Variants in SLC39A11 observed in about 807,000 individuals in gnomAD.
The protein encoded by SLC39A11 is zinc transporter ZIP11.
SLC39A11 carries 33 observed loss-of-function variants against 36.1 expected under a neutral mutation model. That is an observed-to-expected ratio of 0.91 (90% CI 0.69 to 1.22). The LOEUF (loss-of-function observed/expected upper bound fraction) is 1.22, where lower values mean the gene tolerates loss of function less well. Ranked by LOEUF, SLC39A11 falls within the 50% of genes most tolerant of loss-of-function variation. The probability of loss-of-function intolerance (pLI) is 0.00; values close to 1 mark genes in which losing one functional copy is unlikely to be tolerated. For synonymous variants in SLC39A11, 166 were observed against 170.3 expected (o/e 0.97, Z 0.20); for missense variants, 432 against 430.3 (o/e 1.00, Z -0.03).
chr17:72,826,706 T>G (rs1392766438), intron 6 of SLC39A11, among the ~76,000 whole-genome samples: 1 of 152,190 alleles, frequency 6.6e-6, no homozygotes, highest in Non-Finnish European at 1.5e-5. Flanking sequence ...ACTACTATTG[T>G]GGACACTTAA....
intron 6 of SLC39A11, among the ~76,000 whole-genome samples, chr17:72,762,366 C>A (rs1435891730): frequency 6.6e-6 from 1 of 152,186 alleles, no homozygotes; most frequent in South Asian, 2.1e-4. Context: ...TGCTAAGAGA[C>A]ACTCCCAATA....
chr17:73,005,201 C>T (rs1471157866), intron 4 of SLC39A11, among the ~76,000 whole-genome samples: 2 of 152,116 alleles, frequency 1.3e-5, no homozygotes, highest in African/African-American at 2.4e-5. Flanking sequence ...TAGTCTCGAA[C>T]TCCTGACCTC....
At chr17:72,946,222 G>A (rs923515322) in intron 5 of SLC39A11, among the ~76,000 whole-genome samples, 1 of 152,238 alleles carries the variant, frequency 6.6e-6, no homozygotes, top group African/African-American at 2.4e-5. Context: ...TAAGTGACAA[G>A]TGTGATTGGA....
At chr17:72,840,312 T>C (rs191690443) in intron 6 of SLC39A11, among the ~76,000 whole-genome samples, 1 of 152,294 alleles carries the variant, frequency 6.6e-6, no homozygotes, top group East Asian at 1.9e-4. Flanking sequence ...CTTGATACTA[T>C]TGAGAGGAAA....
chr17:73,034,754 T>C (rs2058849341), intron 3 of SLC39A11, among the ~76,000 whole-genome samples: 1 of 152,250 alleles, frequency 6.6e-6, no homozygotes, highest in Admixed American at 6.5e-5. Flanking sequence ...CAAACTCTTC[T>C]GTCCACATTT....
chr17:72,914,867 C>CATAAATAAATAAATAAATGAATAAATAA (rs2083242880), intron 5 of SLC39A11, among the ~76,000 whole-genome samples: 1 of 149,330 alleles, frequency 6.7e-6, no homozygotes, highest in Non-Finnish European at 1.5e-5. Flanking sequence ...GACTCTGTCT[C>CATAAATAAATAAATAAATGAATAAATAA]ATAAATAAAT....
chr17:72,756,272 T>C (rs1443918903), intron 6 of SLC39A11, among the ~76,000 whole-genome samples: 1 of 152,248 alleles, frequency 6.6e-6, no homozygotes, highest in African/African-American at 2.4e-5. Context: ...GTGGCAATTC[T>C]ACTTCTGGAT....
rs1291896405 is a variant in SLC39A11, at chr17:72,887,182, C to T, written c.431-37378G>A. Among the ~76,000 whole-genome samples the T allele has an allele frequency of 2.0e-5, 3 of 152,198 alleles. No homozygotes were observed. The East Asian group carries it at 5.8e-4, about 29-fold the overall frequency. On this transcript the variant is annotated intron_variant, in intron 5 of 9. Coordinates refer to ENST00000255559, the MANE Select transcript of SLC39A11 (RefSeq NM_139177.4). Reference sequence around the variant, plus strand: ...CCAGAGTTCAGGATAGCACGAATCACACACCCATCAGATGAGTGAGTGAAT... The same window carrying T: ...CCAGAGTTCAGGATAGCACGAATCATACACCCATCAGATGAGTGAGTGAAT...
chr17:72,672,654 C>A (rs1468358856), intron 7 of SLC39A11, among the ~76,000 whole-genome samples: 1 of 152,140 alleles, frequency 6.6e-6, no homozygotes, highest in African/African-American at 2.4e-5. Context: ...CGCTGGAGTA[C>A]AATGACACTA....
At chr17:72,709,737 T>C (rs1223604138) in intron 7 of SLC39A11, among the ~76,000 whole-genome samples, 4 of 152,222 alleles carry the variant, frequency 2.6e-5, no homozygotes, top group Admixed American at 2.6e-4. Context: ...ATCCTTTCAG[T>C]GAATGTCCCT....
chr17:72,770,154 C>G (rs751789238), intron 6 of SLC39A11, among the ~76,000 whole-genome samples: 9 of 152,234 alleles, frequency 5.9e-5, no homozygotes, highest in Non-Finnish European at 1.3e-4. Context: ...TAACTGAGAT[C>G]TGTCTCAGAT....
At chr17:72,990,190 C>G (rs2089064606) in intron 4 of SLC39A11, among the ~76,000 whole-genome samples, 1 of 152,172 alleles carries the variant, frequency 6.6e-6, no homozygotes, top group South Asian at 2.1e-4. Context: ...GACATTCAAA[C>G]CGATGCAGAG....
intron 4 of SLC39A11, among the ~76,000 whole-genome samples, chr17:72,999,069 A>T (rs1345019461): frequency 6.6e-6 from 1 of 152,248 alleles, no homozygotes; most frequent in African/African-American, 2.4e-5. Flanking sequence ...AGAGGGCAAC[A>T]GGTCTGATGT....
rs1189562244 is a variant in SLC39A11, at chr17:72,835,816, G to C, written c.601+13818C>G. ...ATGAACTGCCAAGTAGCTATTATCT[G>C]CATTTTACAGCTGGGAAAGCTAAGA... On this transcript the variant is annotated intron_variant, in intron 6 of 9. Coordinates refer to ENST00000255559, the MANE Select transcript of SLC39A11 (RefSeq NM_139177.4). Among the ~76,000 whole-genome samples the C allele has an allele frequency of 2.6e-5, 4 of 152,282 alleles. No individual in the cohort carries two copies. The South Asian group carries it at 6.2e-4, about 24-fold the overall frequency.
rs759424559 is a variant in SLC39A11 at position 72,736,764 on chromosome 17, C to T, written c.602-45G>A. The T allele has an allele frequency of 4.1e-6, 6 of 1,454,856 alleles. No homozygotes were observed. In the East Asian group the frequency reaches 1.4e-4, roughly 33 times the overall value. 90.1% of individuals were successfully genotyped at this position (1,454,856 alleles called of 1,614,324 possible). A position where few individuals can be genotyped will look rare whatever the true frequency, so the allele number is the denominator to read the frequency against. ...AGCAAGAGGGGTTAGGAATATTTCCCCATAAGGAACATCACCATCACTGTC... is the reference window on the plus strand; with the variant it reads ...AGCAAGAGGGGTTAGGAATATTTCCTCATAAGGAACATCACCATCACTGTC... On this transcript the variant is annotated intron_variant, in intron 6 of 9. Coordinates refer to ENST00000255559, the MANE Select transcript of SLC39A11 (RefSeq NM_139177.4).
At chr17:72,799,525 T>C (rs927066015) in intron 6 of SLC39A11, among the ~76,000 whole-genome samples, 1 of 152,108 alleles carries the variant, frequency 6.6e-6, no homozygotes. Flanking sequence ...ATTCTTTTCC[T>C]AGCAAGGAAT....
At chr17:72,800,602 G>A (rs149855266) in intron 6 of SLC39A11, among the ~76,000 whole-genome samples, 206 of 152,262 alleles carry the variant, frequency 1.4e-3, no homozygotes, top group African/African-American at 4.7e-3. Flanking sequence ...GAGCCATTGT[G>A]CCTGGCTGAC....
intron 6 of SLC39A11, among the ~76,000 whole-genome samples, chr17:72,788,700 T>G (rs1482853332): frequency 6.6e-6 from 1 of 152,198 alleles, no homozygotes; most frequent in Non-Finnish European, 1.5e-5. Flanking sequence ...GGAGATGACA[T>G]GAGCCAATGG....
intron 4 of SLC39A11, among the ~76,000 whole-genome samples, chr17:72,985,011 A>G (rs1250558586): frequency 6.6e-6 from 1 of 152,164 alleles, no homozygotes; most frequent in African/African-American, 2.4e-5. Context: ...CAAAAATCCA[A>G]CCTGCATTGA....
Sources: gnomAD v4.1 joint callset for allele counts (sites outside exome capture counted in the v4.1 genomes callset) on GRCh38, gnomAD v4.1.1 for gene constraint, MANE v1.5 for transcripts, NCBI Gene and HGNC (gene_info 2026-07-23, HGNC 2026-07-21) for gene names.